The following LOXL2 variants were observed in gnomAD, a reference collection of about 807,000 sequenced individuals.
The protein encoded by LOXL2 is lysyl oxidase like 2.
A neutral mutation model predicts 93.0 loss-of-function variants in LOXL2; 70 were observed. The ratio of observed to expected loss-of-function variants is 0.75; its 90% CI spans 0.62 to 0.92. The LOEUF is 0.92. Among genes scored for constraint, LOXL2 ranks in the 40% least tolerant of loss-of-function variants. The pLI, the probability that LOXL2 is intolerant of heterozygous loss-of-function variation, is 0.00. For synonymous variants in LOXL2, 438 were observed against 413.2 expected (o/e 1.06, Z -0.73); for missense variants, 973 against 1,054.9 (o/e 0.92, Z 1.08).
In LOXL2 at chr8:23,309,744, G is replaced by C. The variant is rs1223297686; in HGVS notation, c.1804C>G (p.Gln602Glu). The change falls in exon 10 of 14, where the codon CAG becomes GAG. Residue 602 changes from glutamine (Q) to glutamate (E), a missense_variant. Coordinates refer to ENST00000389131, the MANE Select transcript of LOXL2 (RefSeq NM_002318.3). Reference protein sequence around the residue: ...GYRRLLRFSSQIHNNGQSDFR... With the variant: ...GYRRLLRFSSEIHNNGQSDFR... ...TCGGACTGGCCATTGTTGTGGATCT[G>C]GGAGGAGAAGCGCAGGAGCCGGCGG... 6.2e-7 allele frequency: 1 copy of C among 1,601,226 alleles called. No homozygotes were observed. Among genetic ancestry groups the C allele is most frequent in the Non-Finnish European group, 8.5e-7 (1 of 1,174,258 alleles).
intron 3 of LOXL2, among the ~76,000 whole-genome samples, chr8:23,354,752 C>A (rs1473096862): frequency 6.6e-6 from 1 of 151,814 alleles, no homozygotes; most frequent in Middle Eastern, 3.2e-3. Context: ...CCACTTCCCT[C>A]CCCATGTAGG....
intron 1 of LOXL2, among the ~76,000 whole-genome samples, chr8:23,372,827 G>A (rs1320118274): frequency 1.3e-5 from 2 of 152,080 alleles, no homozygotes; most frequent in East Asian, 1.9e-4. Flanking sequence ...TGTCAGTAAC[G>A]GATAGAAGAC....
intron 10 of LOXL2, among the ~76,000 whole-genome samples, chr8:23,307,847 T>C (rs1803254280): frequency 6.8e-6 from 1 of 148,044 alleles, no homozygotes. Flanking sequence ...ATTGTTTGAA[T>C]GGAAAATCAG....
At chr8:23,314,226 T>C (rs1388515506) in intron 9 of LOXL2, among the ~76,000 whole-genome samples, 1 of 149,578 alleles carries the variant, frequency 6.7e-6, no homozygotes, top group East Asian at 2.0e-4. Context: ...ATTGTGGAAG[T>C]CAGTGTGGCG....
chr8:23,399,535 T>A (rs1361889294), intron 1 of LOXL2, among the ~76,000 whole-genome samples: 1 of 152,130 alleles, frequency 6.6e-6, no homozygotes, highest in Non-Finnish European at 1.5e-5. Flanking sequence ...AGCTAGCATG[T>A]TATCATGCTC....
At chr8:23,403,415 C>T (rs1461295411) in intron 1 of LOXL2, among the ~76,000 whole-genome samples, 1 of 152,108 alleles carries the variant, frequency 6.6e-6, no homozygotes, top group Non-Finnish European at 1.5e-5. Flanking sequence ...GGGGTTGAAC[C>T]GGGTTCAAGC....
chr8:23,400,769 C>G (rs1382560491), intron 1 of LOXL2, among the ~76,000 whole-genome samples: 2 of 152,142 alleles, frequency 1.3e-5, no homozygotes, highest in Non-Finnish European at 2.9e-5. Flanking sequence ...CAGCAACAGT[C>G]ATTTCACTCA....
chr8:23,316,246 A>G (rs146870862), intron 9 of LOXL2, among the ~76,000 whole-genome samples: 1 of 152,334 alleles, frequency 6.6e-6, no homozygotes, highest in African/African-American at 2.4e-5. Context: ...ACTAAAGACC[A>G]CAGAGGCTGA....
chr8:23,390,628 A>C (rs2117235487), intron 1 of LOXL2, among the ~76,000 whole-genome samples: 1 of 152,340 alleles, frequency 6.6e-6, no homozygotes, highest in Non-Finnish European at 1.5e-5. Context: ...GGGAAGGCTG[A>C]AGGTACAGTT....
intron 5 of LOXL2, among the ~76,000 whole-genome samples, chr8:23,332,379 T>C (rs1419948714): frequency 5.3e-5 from 4 of 75,186 alleles, no homozygotes; most frequent in Non-Finnish European, 9.6e-5. Flanking sequence ...ACACCCCACA[T>C]ACACACTCAT....
intron 1 of LOXL2, among the ~76,000 whole-genome samples, chr8:23,368,660 C>T (rs1563204141): frequency 2.0e-5 from 3 of 152,170 alleles, no homozygotes; most frequent in Admixed American, 1.3e-4. Flanking sequence ...GAGTTCCTGG[C>T]AGGGAACAGA....
chr8:23,297,677 C>G lies in LOXL2; in HGVS notation c.*366G>C, dbSNP rs894486829. ...TGAGCCCGCATTTGTCCACGTGTCACTGGAGAAGAGCGCGGCTCCACTGTG... is the reference window on the plus strand; with the variant it reads ...TGAGCCCGCATTTGTCCACGTGTCAGTGGAGAAGAGCGCGGCTCCACTGTG... On this transcript the variant is annotated 3_prime_UTR_variant, in exon 14 of 14. Transcript: ENST00000389131. 2.4e-4 allele frequency: 48 copies of G among 200,566 alleles called. No homozygotes were observed. Among genetic ancestry groups the G allele is most frequent in the African/African-American group, 1.1e-3 (46 of 43,468 alleles). The allele number at this position is 200,566 out of a possible 1,614,324, so 12.4% of individuals were successfully genotyped here.
chr8:23,336,070 C>T (rs1278436794), intron 4 of LOXL2: 3 of 152,282 alleles, frequency 2.0e-5, no homozygotes, highest in Non-Finnish European at 4.4e-5. Context: ...TGGAAGCTTA[C>T]AGCATGTTCC....
intron 1 of LOXL2, among the ~76,000 whole-genome samples, chr8:23,369,087 G>A (rs1804458955): frequency 6.6e-6 from 1 of 152,186 alleles, no homozygotes; most frequent in Admixed American, 6.5e-5. Flanking sequence ...GGTGGAGAAG[G>A]AGCGGGTCTG....
intron 8 of LOXL2, among the ~76,000 whole-genome samples, chr8:23,319,643 C>T (rs114314219): frequency 4.3e-4 from 65 of 152,216 alleles, no homozygotes; most frequent in African/African-American, 1.6e-3. Flanking sequence ...AAAGCAGAGC[C>T]CAGCCCCTCG....
rs764321154 is a variant in LOXL2 at position 23,303,367 on chromosome 8, G to T, written c.1911C>A (p.His637Gln). Residue 637 changes from histidine to glutamine, a missense_variant, in exon 11 of 14, where the codon CAC (histidine) becomes CAA (glutamine). His to Gln is a conservative substitution (Grantham distance 24, BLOSUM62 0). Coordinates refer to ENST00000389131, the MANE Select transcript of LOXL2 (RefSeq NM_002318.3). ...TGCCATTGAGGTTCAGCAGGTCATA[G>T]TGGGTGAACACCTCCATGCTGTGGT... ...RHYHSMEVFT[H>Q]YDLLNLNGTK... 3 of 1,612,728 alleles carry T rather than the reference G, an allele frequency of 1.9e-6. No homozygotes were observed. The highest frequency in any genetic ancestry group is 2.5e-6 in the Non-Finnish European group (3 of 1,178,924).
chr8:23,333,473 C>T lies in LOXL2; in HGVS notation c.894G>A (p.Val298=). ...NVTCENGLPA[V]VSCVPGQVFS... ...AGACCTGCCCAGGCACACAACTCAC[C>T]ACGGCCGGTAGCCCATTCTCGCAGG... is the stretch of plus-strand genomic sequence containing the variant. The change falls in exon 5 of 14, where the codon GTG becomes GTA. Residue 298 remains valine, a synonymous_variant. Coordinates refer to ENST00000389131, the MANE Select transcript of LOXL2 (RefSeq NM_002318.3). The T allele has an allele frequency of 2.5e-6, 4 of 1,613,988 alleles. No individual in the cohort carries two copies. Among genetic ancestry groups the T allele is most frequent in the Non-Finnish European group, 2.5e-6 (3 of 1,180,040 alleles).
chr8:23,362,806 T>C (rs1804322647), intron 2 of LOXL2, among the ~76,000 whole-genome samples: 1 of 151,838 alleles, frequency 6.6e-6, no homozygotes, highest in Admixed American at 6.6e-5. Context: ...TTTTTAATTA[T>C]AAAGTGCTAG....
At chr8:23,390,869 A>G (rs994237770) in intron 1 of LOXL2, among the ~76,000 whole-genome samples, 1 of 152,212 alleles carries the variant, frequency 6.6e-6, no homozygotes, top group Non-Finnish European at 1.5e-5. Context: ...GGGGTAATTT[A>G]TAAAGAAAAA....
Sources: allele counts gnomAD v4.1 joint callset (sites outside exome capture counted in the v4.1 genomes callset), GRCh38; gene constraint gnomAD v4.1.1; transcripts MANE v1.5; gene names NCBI Gene and HGNC (gene_info 2026-07-23, HGNC 2026-07-21).